Variants in SLC25A23 observed in about 807,000 individuals in gnomAD.
The protein encoded by SLC25A23 is solute carrier family 25 member 23, also known as mitochondrial adenyl nucleotide antiporter SLC25A23.
A neutral mutation model predicts 53.9 loss-of-function variants in SLC25A23; 32 were observed. That is an observed-to-expected ratio of 0.59 (90% CI 0.45 to 0.80). The LOEUF (loss-of-function observed/expected upper bound fraction) is 0.80. Among genes scored for constraint, SLC25A23 ranks in the 30% least tolerant of loss-of-function variants. The probability of loss-of-function intolerance (pLI) is 0.00; values close to 1 mark genes in which losing one functional copy is unlikely to be tolerated. For missense variants in SLC25A23, 575 were observed against 651.4 expected (o/e 0.88, Z 1.28); for synonymous variants, 275 against 264.5 (o/e 1.04, Z -0.38).
chr19:6,450,772 TG>T (rs2092576303), intron 8 of SLC25A23, among the ~76,000 whole-genome samples: 1 of 151,928 alleles, frequency 6.6e-6, no homozygotes, highest in Middle Eastern at 3.4e-3. Context: ...TGTAAAAGGG[TG>T]GGGGTCCCTT....
At chr19:6,448,763 C>T (rs1568367678) in intron 8 of SLC25A23, among the ~76,000 whole-genome samples, 1 of 151,862 alleles carries the variant, frequency 6.6e-6, no homozygotes, top group African/African-American at 2.4e-5. Context: ...GCCACTGCAC[C>T]TGGCAATTCC....
At chr19:6,448,416 G>A (rs1476716590) in intron 8 of SLC25A23, among the ~76,000 whole-genome samples, 2 of 151,688 alleles carry the variant, frequency 1.3e-5, no homozygotes, top group Non-Finnish European at 2.9e-5. Flanking sequence ...AGATCAATCT[G>A]TTGAAAAGAA....
At chr19:6,446,610 G>A (rs1205706190) in intron 8 of SLC25A23, among the ~76,000 whole-genome samples, 1 of 152,190 alleles carries the variant, frequency 6.6e-6, no homozygotes, top group Non-Finnish European at 1.5e-5. Flanking sequence ...GACTGACCTG[G>A]TGGATCAATA....
At chr19:6,447,679 CT>C (rs955798965) in intron 8 of SLC25A23, among the ~76,000 whole-genome samples, 19 of 148,122 alleles carry the variant, frequency 1.3e-4, no homozygotes, top group Admixed American at 6.1e-4. Flanking sequence ...TAATTTTTTG[CT>C]TTTTTTTTGA....
At chr19:6,439,399 T>TCTCACACA (rs1196510603), downstream of SLC25A23, among the ~76,000 whole-genome samples, 141 of 124,106 alleles carry the variant, frequency 1.1e-3, no homozygotes, top group East Asian at 3.0e-3. Flanking sequence ...TCTCTCTCTC[T>TCTCACACA]CACACACACA....
At chr19:6,447,306 T>C (rs932772110) in intron 8 of SLC25A23, among the ~76,000 whole-genome samples, 4 of 151,870 alleles carry the variant, frequency 2.6e-5, no homozygotes, top group African/African-American at 7.3e-5. Flanking sequence ...ACCAAAACTA[T>C]TATTATTATT....
chr19:6,459,623 C>G lies in SLC25A23; in HGVS notation c.6G>C (p.Arg2=), dbSNP rs545281247. The part of the protein sequence containing the change: M[R]GSPGDAERRQ... Reference sequence around the variant, plus strand: ...GCCGCTCCGCGTCGCCCGGGCTCCCCCGCATGGCGCCCGCCCGGGGGGGAG... The same window carrying G: ...GCCGCTCCGCGTCGCCCGGGCTCCCGCGCATGGCGCCCGCCCGGGGGGGAG... Residue 2 remains arginine, a synonymous_variant, in exon 1 of 10, where the codon CGG becomes CGC. Coordinates refer to ENST00000301454, the MANE Select transcript of SLC25A23 (RefSeq NM_024103.3). The surrounding 1 kb of genome is among the most constrained non-coding windows in gnomAD (Gnocchi z 4.6). 4 of 1,500,022 alleles carry G rather than the reference C, an allele frequency of 2.7e-6. No individual in the cohort carries two copies. Among genetic ancestry groups the G allele is most frequent in the Non-Finnish European group, 2.7e-6 (3 of 1,130,166 alleles). The allele number at this position is 1,500,022 out of a possible 1,614,324, so 92.9% of individuals were successfully genotyped here.
At chr19:6,442,441 C>A (rs982289365) in intron 9 of SLC25A23, among the ~76,000 whole-genome samples, 48 of 152,276 alleles carry the variant, frequency 3.2e-4, no homozygotes, top group African/African-American at 1.1e-3. Flanking sequence ...TCCCTCCCTC[C>A]TTTCCCAGCT....
chr19:6,458,929 G>T (rs911291104), intron 1 of SLC25A23, among the ~76,000 whole-genome samples: 3 of 152,194 alleles, frequency 2.0e-5, no homozygotes, highest in Non-Finnish European at 4.4e-5. Flanking sequence ...GGGGCAGCGG[G>T]AGGAAAGTCT....
intron 8 of SLC25A23, among the ~76,000 whole-genome samples, chr19:6,446,902 G>A (rs572688752): frequency 2.6e-5 from 4 of 151,750 alleles, no homozygotes; most frequent in African/African-American, 9.7e-5. Context: ...GTCCGTAGAG[G>A]AGAAAGACAG....
At chr19:6,448,983 C>T (rs1189448479) in intron 8 of SLC25A23, among the ~76,000 whole-genome samples, 1 of 151,218 alleles carries the variant, frequency 6.6e-6, no homozygotes, top group African/African-American at 2.4e-5. Context: ...GAGATCACAC[C>T]ACTGCACTCC....
chr19:6,459,190 G>A lies in SLC25A23; in HGVS notation c.156+283C>T, dbSNP rs2092724131. Among the ~76,000 whole-genome samples, 1 of 152,180 alleles carries A rather than the reference G, an allele frequency of 6.6e-6. No homozygotes were observed. The highest frequency in any genetic ancestry group is 2.1e-4 in the South Asian group (1 of 4,834). On this transcript the variant is annotated intron_variant, in intron 1 of 9. Transcript: ENST00000301454. This position sits in a 1 kb window ranked among gnomAD's most constrained non-coding sequence, Gnocchi z 4.6. ...TGGAGGAGGGTGTGTCCCGGGCAGT[G>A]GGCAGGAAAGCGCCCCCATCTCTTC...
downstream of SLC25A23, chr19:6,438,264 T>C (rs112833072): frequency 0.018 from 2,800 of 151,926 alleles, 35 homozygotes; most frequent in South Asian, 0.038. Context: ...TGCAGTGAGC[T>C]GAGATCACGT....
rs990651676 is a variant in SLC25A23 at position 6,458,456 on chromosome 19, A to G, written c.157-132T>C. On this transcript the variant is annotated intron_variant, in intron 1 of 9. Transcript: ENST00000301454. ...GGAAGGGGATAGAAGACGTCACCCC[A>G]CTTCTCCCTCAGTCAGCTAACTTCT... 2.1e-5 allele frequency: 21 copies of G among 987,922 alleles called. No homozygotes were observed. The African/African-American group carries it at 3.3e-4, about 15-fold the overall frequency. 61.2% of individuals were successfully genotyped at this position (987,922 alleles called of 1,614,324 possible).
chr19:6,457,822 G>C (rs2092702554), intron 2 of SLC25A23, among the ~76,000 whole-genome samples: 1 of 151,890 alleles, frequency 6.6e-6, no homozygotes, highest in Non-Finnish European at 1.5e-5. Context: ...ATGAATGAAG[G>C]AATCCAGGGG....
In SLC25A23 at chr19:6,454,646, C is replaced by T. The variant is rs769063053; in HGVS notation, c.555G>A (p.Trp185Ter). Residue 185 changes from tryptophan to a stop codon, truncating the protein, a stop_gained, in exon 5 of 10, where the codon TGG becomes TGA. Coordinates refer to ENST00000301454, the MANE Select transcript of SLC25A23 (RefSeq NM_024103.3). LOFTEE classifies it high-confidence loss of function. This position sits in a 1 kb window ranked among gnomAD's most constrained non-coding sequence, Gnocchi z 4.3. ...FSKQEKLTGM[W>*]WKQLVAGAVA... ...CTGCGCCGGCCACCAGCTGTTTCCA[C>T]CACATGCCCGTCAGCTTCTCTTGCT... 2 of 1,614,124 alleles carry T rather than the reference C, an allele frequency of 1.2e-6. No homozygotes were observed. Among genetic ancestry groups the T allele is most frequent in the Non-Finnish European group, 1.7e-6 (2 of 1,180,036 alleles).
chr19:6,457,719 G>A (rs2092701007), intron 2 of SLC25A23, 129 bp from the exon 3 acceptor site: 1 of 749,378 alleles, frequency 1.3e-6, no homozygotes, highest in Non-Finnish European at 2.2e-6. Context: ...AACCTAGGAG[G>A]AGGTTTGCAG....
At chr19:6,439,395 TCTCTCACACACACACACACA>T (rs2092381466), downstream of SLC25A23, among the ~76,000 whole-genome samples, 1 of 129,506 alleles carries the variant, frequency 7.7e-6, no homozygotes, top group Non-Finnish European at 1.6e-5. Flanking sequence ...TCTCTCTCTC[TCTCTCACACACACACACACA>T]CACACACACA....
In SLC25A23 at chr19:6,441,756, G is replaced by T; in HGVS notation, c.*219C>A. The T allele has an allele frequency of 1.7e-6, 1 of 572,592 alleles. No homozygotes were observed. The allele number at this position is 572,592 out of a possible 1,614,324, so 35.5% of individuals were successfully genotyped here. ...ATCTGGGATCTAGTGGCTGAAGGGT[G>T]GGGATCGCATGACCCAGTGGTTGGG... On this transcript the variant is annotated 3_prime_UTR_variant, in exon 10 of 10. Transcript: ENST00000301454.
Sources: gnomAD v4.1 joint callset for allele counts (sites outside exome capture counted in the v4.1 genomes callset) on GRCh38, gnomAD v4.1.1 for gene constraint, Gnocchi (gnomAD v3.1) non-coding constraint, MANE v1.5 for transcripts, NCBI Gene and HGNC (gene_info 2026-07-23, HGNC 2026-07-21) for gene names.